FGF7: variants seen among roughly 807,000 people sequenced by gnomAD.
The protein encoded by FGF7 is fibroblast growth factor 7, also known as FGF-7.
A neutral mutation model predicts 20.5 loss-of-function variants in FGF7; 6 were observed. The ratio of observed to expected loss-of-function variants is 0.29; its 90% CI spans 0.16 to 0.58. The LOEUF (loss-of-function observed/expected upper bound fraction) is 0.58, where lower values mean the gene tolerates loss of function less well. Among genes scored for constraint, FGF7 ranks in the 20% least tolerant of loss-of-function variants. FGF7 has a pLI of 0.90. For missense variants in FGF7, 144 were observed against 228.8 expected, an observed-to-expected ratio of 0.63 and a Z score of 2.39; for synonymous variants, 64 against 74.7, an observed-to-expected ratio of 0.86 and a Z score of 0.74.
intron 2 of FGF7, among the ~76,000 whole-genome samples, chr15:49,458,224 T>C (rs2151915131): frequency 6.6e-6 from 1 of 152,002 alleles, no homozygotes; most frequent in East Asian, 1.9e-4. Flanking sequence ...CCAATGACAA[T>C]AGATTTTGAA....
At chr15:49,454,773 C>T (rs368755399) in intron 2 of FGF7, among the ~76,000 whole-genome samples, 32 of 152,194 alleles carry the variant, frequency 2.1e-4, no homozygotes, top group African/African-American at 7.7e-4. Flanking sequence ...CCATGCCCCA[C>T]TAAATTTTTG....
At chr15:49,477,802 A>G (rs2055489059) in intron 2 of FGF7, among the ~76,000 whole-genome samples, 1 of 152,200 alleles carries the variant, frequency 6.6e-6, no homozygotes, top group Non-Finnish European at 1.5e-5. Context: ...TAGTAATGAA[A>G]GAGTTTTGGT....
chr15:49,445,897 C>A (rs1275154610), intron 2 of FGF7, among the ~76,000 whole-genome samples: 4 of 151,416 alleles, frequency 2.6e-5, no homozygotes, highest in Non-Finnish European at 5.9e-5. Context: ...GTTTACTAGA[C>A]AAACATATCT....
chr15:49,431,239 C>T (rs1001329952), intron 2 of FGF7, among the ~76,000 whole-genome samples: 9 of 151,810 alleles, frequency 5.9e-5, no homozygotes, highest in Non-Finnish European at 1.0e-4. Flanking sequence ...TGAAAATCCT[C>T]TGCCTTCCAC....
intron 3 of FGF7, among the ~76,000 whole-genome samples, chr15:49,483,839 A>G (rs934605678): frequency 1.3e-5 from 2 of 152,104 alleles, no homozygotes; most frequent in African/African-American, 4.8e-5. Context: ...GGTTGCATGG[A>G]TGAACAAACA....
chr15:49,431,609 T>G (rs894243947), intron 2 of FGF7, among the ~76,000 whole-genome samples: 4 of 151,700 alleles, frequency 2.6e-5, no homozygotes, highest in Non-Finnish European at 5.9e-5. Context: ...CAGAAGAAAG[T>G]AATCTCTTCT....
At chr15:49,427,559 T>A (rs75773642) in intron 2 of FGF7, among the ~76,000 whole-genome samples, 3,521 of 152,100 alleles carry the variant, frequency 0.023, 87 homozygotes, top group South Asian at 0.13. Flanking sequence ...AAATTTTACA[T>A]GAAAAGTAAT....
At chr15:49,483,558 T>A (rs1465386095) in intron 3 of FGF7, among the ~76,000 whole-genome samples, 2 of 151,996 alleles carry the variant, frequency 1.3e-5, no homozygotes, top group Non-Finnish European at 2.9e-5. Context: ...AAATTTCCAT[T>A]TGCCAGTATT....
rs2056534528 is a variant in FGF7 at position 49,487,871 on chromosome 15, G to C, written c.*3367G>C. On this transcript the variant is annotated 3_prime_UTR_variant, in exon 4 of 4. Transcript: ENST00000267843. ...AATTGATACATCAGAATGACTTGCA[G>C]GGCTTATCATGCAGTTTGGTTTACA... The C allele has an allele frequency of 6.6e-6, 1 of 151,900 alleles. No individual in the cohort carries two copies. The highest frequency in any genetic ancestry group is 2.4e-5 in the African/African-American group (1 of 41,380). The allele number at this position is 151,900 out of a possible 1,614,324, so 9.4% of individuals were successfully genotyped here. A position where few individuals can be genotyped will look rare whatever the true frequency, so the allele number is the denominator to read the frequency against.
intron 2 of FGF7, among the ~76,000 whole-genome samples, chr15:49,469,798 G>A (rs538964881): frequency 1.3e-5 from 2 of 152,228 alleles, no homozygotes; most frequent in South Asian, 4.1e-4. Flanking sequence ...ATGAGATTGA[G>A]AAGCTACTGG....
At chr15:49,465,304 CT>C (rs67362920) in intron 2 of FGF7, among the ~76,000 whole-genome samples, 150 of 140,504 alleles carry the variant, frequency 1.1e-3, no homozygotes, top group Non-Finnish European at 1.0e-3. Flanking sequence ...TTTTCTTTTT[CT>C]TTTTTTTTTT....
intron 2 of FGF7, among the ~76,000 whole-genome samples, chr15:49,474,701 G>C (rs2055084354): frequency 6.6e-6 from 1 of 152,160 alleles, no homozygotes. Flanking sequence ...GGCAGAGCAG[G>C]AGATGAGCTG....
At chr15:49,471,322 T>C (rs895859570) in intron 2 of FGF7, among the ~76,000 whole-genome samples, 8 of 151,794 alleles carry the variant, frequency 5.3e-5, no homozygotes, top group Non-Finnish European at 1.2e-4. Context: ...CCTCCTCTAC[T>C]AAAAATACAA....
chr15:49,481,596 G>A (rs2152015092), intron 2 of FGF7, among the ~76,000 whole-genome samples: 1 of 152,268 alleles, frequency 6.6e-6, no homozygotes, highest in East Asian at 1.9e-4. Flanking sequence ...ATTCAGGCCT[G>A]TGTTCTTCAA....
intron 2 of FGF7, among the ~76,000 whole-genome samples, chr15:49,464,005 A>T (rs2054044120): frequency 6.6e-6 from 1 of 152,120 alleles, no homozygotes; most frequent in South Asian, 2.1e-4. Context: ...CGGAGGTGAG[A>T]CACTTTTTAA....
In FGF7 at chr15:49,451,966, C is replaced by T. The variant is rs891308632; in HGVS notation, c.286+27383C>T. On this transcript the variant is annotated intron_variant, in intron 2 of 3. Coordinates refer to ENST00000267843, the MANE Select transcript of FGF7 (RefSeq NM_002009.4). ...GTGTTTAATAACTAGTGAAAAAATG[C>T]TATTTGAGAAACTTTCTCTCAATAT... Among the ~76,000 whole-genome samples, 3 of 152,064 alleles carry T rather than the reference C, an allele frequency of 2.0e-5. No homozygotes were observed. In the South Asian group the frequency reaches 6.2e-4, roughly 32 times the overall value.
At chr15:49,443,533 T>C (rs946452748) in intron 2 of FGF7, among the ~76,000 whole-genome samples, 3 of 144,474 alleles carry the variant, frequency 2.1e-5, no homozygotes, top group African/African-American at 7.5e-5. Context: ...TAGATTAAAC[T>C]TAAGGTTTAG....
chr15:49,435,006 G>A (rs2151806646), intron 2 of FGF7, among the ~76,000 whole-genome samples: 1 of 151,480 alleles, frequency 6.6e-6, no homozygotes, highest in African/African-American at 2.4e-5. Context: ...AGTATGTTGT[G>A]TGTATTTTAC....
chr15:49,486,607 G>A lies in FGF7; in HGVS notation c.*2103G>A, dbSNP rs1241220379. On this transcript the variant is annotated 3_prime_UTR_variant, in exon 4 of 4. Transcript: ENST00000267843. ...CTATACAGAAATTTAAATAGAAATA[G>A]TGTATATACATATAAAATACAAGCT... 6.6e-6 allele frequency: 1 copy of A among 151,876 alleles called. No homozygotes were observed. The highest frequency in any genetic ancestry group is 1.9e-4 in the East Asian group (1 of 5,196). 9.4% of individuals were successfully genotyped at this position (151,876 alleles called of 1,614,324 possible).
Sources: allele counts gnomAD v4.1 joint callset (sites outside exome capture counted in the v4.1 genomes callset), GRCh38; gene constraint gnomAD v4.1.1; transcripts MANE v1.5; gene names NCBI Gene and HGNC (gene_info 2026-07-23, HGNC 2026-07-21).